SLC25A42: variants seen among roughly 807,000 people sequenced by gnomAD.
SLC25A42 encodes the protein solute carrier family 25 member 42.
In SLC25A42, 19 loss-of-function variants were observed where a neutral mutation model predicts 34.7. The observed-to-expected ratio is 0.55, with a 90% confidence interval of 0.38 to 0.80. SLC25A42 has a LOEUF of 0.80. Ranked by LOEUF, SLC25A42 falls within the 30% of genes least tolerant of loss-of-function variation. SLC25A42 has a pLI of 0.00. For missense variants in SLC25A42, 364 were observed against 441.3 expected, an observed-to-expected ratio of 0.82 and a Z score of 1.57; for synonymous variants, 205 against 191.2, an observed-to-expected ratio of 1.07 and a Z score of -0.59.
chr19:19,101,689 C>T, intron 2 of SLC25A42, 92 bp from the exon 3 acceptor site: 1 of 1,161,804 alleles, frequency 8.6e-7, no homozygotes. Context: ...TCGGCCCCGG[C>T]CCAGAGGGTG....
chr19:19,074,622 C>T (rs146126153), intron 1 of SLC25A42, among the ~76,000 whole-genome samples: 15 of 152,116 alleles, frequency 9.9e-5, no homozygotes, highest in East Asian at 5.8e-4. Context: ...TATGTCTGGT[C>T]GGGAAGCTAT....
intron 2 of SLC25A42, among the ~76,000 whole-genome samples, chr19:19,100,431 ATC>A (rs2059789528): frequency 6.6e-6 from 1 of 151,762 alleles, no homozygotes; most frequent in Non-Finnish European, 1.5e-5. Context: ...TCTCTTTGCC[ATC>A]TCCTTTCTCT....
intron 1 of SLC25A42, among the ~76,000 whole-genome samples, chr19:19,080,800 G>T (rs971096560): frequency 2.0e-5 from 3 of 151,616 alleles, no homozygotes; most frequent in Non-Finnish European, 4.4e-5. Flanking sequence ...CCTATCTGTG[G>T]TCCCAGCTAC....
intron 2 of SLC25A42, among the ~76,000 whole-genome samples, chr19:19,098,722 C>G (rs1166932526): frequency 6.6e-6 from 1 of 152,162 alleles, no homozygotes; most frequent in Non-Finnish European, 1.5e-5. Context: ...GGGTTCGAGA[C>G]CAGCCTGGGC....
chr19:19,071,596 G>A (rs2059630179), intron 1 of SLC25A42, among the ~76,000 whole-genome samples: 1 of 152,212 alleles, frequency 6.6e-6, no homozygotes, highest in African/African-American at 2.4e-5. Context: ...GGCTGGTGCG[G>A]TGGCTCACAC....
chr19:19,098,533 CT>C (rs75776868), intron 2 of SLC25A42, among the ~76,000 whole-genome samples: 1 of 59,718 alleles, frequency 1.7e-5, no homozygotes, highest in African/African-American at 4.2e-5. Context: ...GAGGTCATGG[CT>C]GCAGTGAGCT....
chr19:19,076,598 A>G (rs551443300), intron 1 of SLC25A42, among the ~76,000 whole-genome samples: 36 of 151,858 alleles, frequency 2.4e-4, no homozygotes, highest in Non-Finnish European at 5.3e-4. Flanking sequence ...TGCCTGCCCC[A>G]CTCCCAGGTT....
chr19:19,105,770 G>A (rs1439103577), intron 5 of SLC25A42, 43 bp downstream of exon 5: 10 of 1,102,140 alleles, frequency 9.1e-6, no homozygotes, highest in Middle Eastern at 3.4e-4. Context: ...CCCCGCCCAC[G>A]CCCGCCCCTC....
intron 3 of SLC25A42, 139 bp from the exon 4 acceptor site, chr19:19,104,774 C>T (rs1415561944): frequency 2.2e-6 from 2 of 921,664 alleles, no homozygotes; most frequent in Non-Finnish European, 3.4e-6. Flanking sequence ...GCTTGGGTGT[C>T]AGCTCAGCTC....
chr19:19,066,430 C>T (rs1214030410), intron 1 of SLC25A42, among the ~76,000 whole-genome samples: 2 of 148,914 alleles, frequency 1.3e-5, no homozygotes, highest in South Asian at 2.1e-4. Flanking sequence ...GTTTAAGCTG[C>T]AGCCCATATT....
intron 4 of SLC25A42, 108 bp downstream of exon 4, chr19:19,105,046 A>G (rs1472452146): frequency 7.7e-7 from 1 of 1,297,020 alleles, no homozygotes; most frequent in Non-Finnish European, 1.1e-6. Context: ...TGGGGACAGG[A>G]CTACCTGTCT....
chr19:19,093,393 T>G (rs1399780100), intron 1 of SLC25A42, among the ~76,000 whole-genome samples: 3 of 152,234 alleles, frequency 2.0e-5, no homozygotes, highest in Admixed American at 6.5e-5. Flanking sequence ...TAGCGTCCCT[T>G]ACGCATAACC....
chr19:19,065,193 G>A (rs889829190), intron 1 of SLC25A42, among the ~76,000 whole-genome samples: 56 of 152,274 alleles, frequency 3.7e-4, no homozygotes, highest in African/African-American at 1.1e-3. Flanking sequence ...GGGGCAGGCT[G>A]GCGGTGGAGA....
intron 6 of SLC25A42, 29 bp downstream of exon 6, chr19:19,106,414 A>G (rs767894546): frequency 6.4e-7 from 1 of 1,567,884 alleles, no homozygotes; most frequent in Non-Finnish European, 8.7e-7. Context: ...GATGCGCATC[A>G]GCCCCGGGGG....
intron 2 of SLC25A42, among the ~76,000 whole-genome samples, chr19:19,100,001 T>G (rs1286273360): frequency 1.3e-5 from 2 of 151,552 alleles, no homozygotes; most frequent in African/African-American, 4.8e-5. Context: ...GTGCTGAGAT[T>G]ATAGGCATGA....
chr19:19,072,281 G>A (rs752438198), intron 1 of SLC25A42, among the ~76,000 whole-genome samples: 3 of 152,250 alleles, frequency 2.0e-5, no homozygotes, highest in African/African-American at 4.8e-5. Flanking sequence ...TAGGGAGAAC[G>A]ATACTTACCA....
intron 1 of SLC25A42, among the ~76,000 whole-genome samples, chr19:19,089,395 G>A (rs1192888529): frequency 6.6e-6 from 1 of 151,752 alleles, no homozygotes; most frequent in Non-Finnish European, 1.5e-5. Flanking sequence ...AGGCATGGTG[G>A]TGCGTGCCTG....
At chr19:19,110,507 C>T in intron 7 of SLC25A42, 62 bp from the exon 8 acceptor site, 2 of 1,341,024 alleles carry the variant, frequency 1.5e-6, no homozygotes, top group Non-Finnish European at 1.9e-6. Flanking sequence ...GGCGCGCGCA[C>T]GGGTGCGGGG....
intron 1 of SLC25A42, among the ~76,000 whole-genome samples, chr19:19,092,172 A>G (rs1568516165): frequency 6.6e-6 from 1 of 152,162 alleles, no homozygotes; most frequent in East Asian, 1.9e-4. Flanking sequence ...GACACCAGTC[A>G]TTGCACTTAG....
Sources: allele counts gnomAD v4.1 joint callset (sites outside exome capture counted in the v4.1 genomes callset), GRCh38; gene constraint gnomAD v4.1.1; transcripts MANE v1.5; gene names NCBI Gene and HGNC (gene_info 2026-07-23, HGNC 2026-07-21).